Variants in POLR1A observed in about 807,000 individuals in gnomAD.
The protein encoded by POLR1A is RNA polymerase I subunit A.
POLR1A carries 84 observed loss-of-function variants against 205.3 expected under a neutral mutation model. The observed-to-expected ratio is 0.41, with a 90% CI of 0.34 to 0.49. The LOEUF is 0.49. POLR1A is among the 20% of genes least tolerant of loss of function. The pLI is 0.22. For synonymous variants in POLR1A, 799 were observed against 863.7 expected, an observed-to-expected ratio of 0.93 and a Z score of 1.31; for missense variants, 1,645 against 2,204.5, an observed-to-expected ratio of 0.75 and a Z score of 5.08.
rs762274332 is a variant in POLR1A at position 86,052,872 on chromosome 2, G to A, written c.2337C>T (p.Thr779=). 1 of 1,606,030 alleles carries A rather than the reference G, an allele frequency of 6.2e-7. No homozygotes were observed. The highest frequency in any genetic ancestry group is 2.3e-5 in the East Asian group (1 of 43,964). ...AGGCGGTGAAGAGGCGGGCCAGGCAGGTTAGAACCTTGCCGCTGGTCTCGC... is the reference window on the plus strand; with the variant it reads ...AGGCGGTGAAGAGGCGGGCCAGGCAAGTTAGAACCTTGCCGCTGGTCTCGC... ...YGGETSGKVL[T]CLARLFTAYL... Residue 779 remains threonine (T), a synonymous_variant, in exon 16 of 34, where the codon ACC becomes ACT. Coordinates refer to ENST00000263857, the MANE Select transcript of POLR1A (RefSeq NM_015425.6).
chr2:86,038,516 C>G (rs1293713797), intron 27 of POLR1A, among the ~76,000 whole-genome samples, 184 bp downstream of exon 27: 1 of 152,200 alleles, frequency 6.6e-6, no homozygotes, highest in African/African-American at 2.4e-5. Context: ...TACCCACAAG[C>G]CAGACTGTGG....
rs770680979 is a variant in POLR1A at position 86,078,209 on chromosome 2, A to C, written c.1162T>G (p.Tyr388Asp). ...LPGQSLIDKL[Y>D]NIWIRLQSHV... is the part of the protein sequence containing the mutation. ...CTCTGAAGGCGAATCCAAATGTTGT[A>C]AAGTTTGTCTATGAGGGACTGGCCT... is the stretch of plus-strand genomic sequence containing the variant. The change falls in exon 10 of 34, where the codon TAC becomes GAC. Residue 388 changes from tyrosine (Y) to aspartate (D), a missense_variant. Transcript: ENST00000263857. 6.2e-7 allele frequency: 1 copy of C among 1,613,086 alleles called. No individual in the cohort carries two copies. Among genetic ancestry groups the C allele is most frequent in the Non-Finnish European group, 8.5e-7 (1 of 1,179,800 alleles).
At chr2:86,029,261 C>T (rs1390117774) in intron 31 of POLR1A, among the ~76,000 whole-genome samples, 1 of 152,006 alleles carries the variant, frequency 6.6e-6, no homozygotes, top group African/African-American at 2.4e-5. Flanking sequence ...TTCAGGGGAG[C>T]AGGAGACTTT....
intron 1 of POLR1A, among the ~76,000 whole-genome samples, chr2:86,101,420 G>A (rs1229716554): frequency 1.3e-5 from 2 of 152,170 alleles, no homozygotes; most frequent in Non-Finnish European, 2.9e-5. Context: ...CATGGCCAGT[G>A]TCACTCTAAG....
chr2:86,093,636 C>T (rs1228987515), intron 3 of POLR1A, among the ~76,000 whole-genome samples: 1 of 152,060 alleles, frequency 6.6e-6, no homozygotes, highest in Non-Finnish European at 1.5e-5. Context: ...AAGGCCAGCC[C>T]GGCCAAAACA....
At position 86,023,079 on chromosome 2, in the gene POLR1A, T is replaced by C. The variant is rs958090069; in HGVS notation, c.*4344A>G. 2 of 152,216 alleles carry C rather than the reference T, an allele frequency of 1.3e-5. No homozygotes were observed. The highest frequency in any genetic ancestry group is 2.9e-5 in the Non-Finnish European group (2 of 68,038). The allele number at this position is 152,216 out of a possible 1,614,324, so 9.4% of individuals were successfully genotyped here. ...TTTTAAAAAGCTCCCTAAGTGTTTC[T>C]AAGGTCCAAAACTGAGAGCCTCTAA... On this transcript the variant is annotated 3_prime_UTR_variant, in exon 34 of 34. Transcript: ENST00000263857.
chr2:86,088,504 C>A (rs1279974052), intron 6 of POLR1A, 62 bp downstream of exon 6: 2 of 1,042,950 alleles, frequency 1.9e-6, no homozygotes, highest in Non-Finnish European at 3.0e-6. Flanking sequence ...CAGGTATTCC[C>A]AGGGTTTAGG....
At chr2:86,039,281 G>T in intron 26 of POLR1A, 46 bp downstream of exon 26, 2 of 1,605,646 alleles carry the variant, frequency 1.2e-6, no homozygotes, top group South Asian at 1.1e-5. Flanking sequence ...GAGGATATAG[G>T]AACATGCCTT....
intron 27 of POLR1A, among the ~76,000 whole-genome samples, chr2:86,036,265 C>T (rs1672494448): frequency 6.6e-6 from 1 of 152,176 alleles, no homozygotes; most frequent in African/African-American, 2.4e-5. Context: ...AACTTACAGC[C>T]CCTAACTCCT....
At chr2:86,044,450 G>T in intron 21 of POLR1A, 146 bp from the exon 22 acceptor site, 1 of 786,968 alleles carries the variant, frequency 1.3e-6, no homozygotes. Flanking sequence ...TAGATCCAAT[G>T]CCCCGGGGTC....
intron 33 of POLR1A, 119 bp downstream of exon 33, chr2:86,027,766 C>T: frequency 8.4e-7 from 1 of 1,193,458 alleles, no homozygotes; most frequent in Non-Finnish European, 1.2e-6. Context: ...GCCCCCGCTC[C>T]CCTCAGATCC....
intron 8 of POLR1A, among the ~76,000 whole-genome samples, chr2:86,081,183 G>T (rs569719157): frequency 2.0e-5 from 3 of 152,248 alleles, no homozygotes; most frequent in African/African-American, 7.2e-5. Flanking sequence ...ATCACTGGAG[G>T]TCAGGAGTTC....
At chr2:86,100,559 G>T (rs1362622538) in intron 1 of POLR1A, among the ~76,000 whole-genome samples, 1 of 148,678 alleles carries the variant, frequency 6.7e-6, no homozygotes, top group African/African-American at 2.5e-5. Flanking sequence ...TTTTAACAAG[G>T]TCTCACTCCT....
chr2:86,037,293 A>C (rs1672517701), intron 27 of POLR1A, among the ~76,000 whole-genome samples: 1 of 152,238 alleles, frequency 6.6e-6, no homozygotes, highest in East Asian at 1.9e-4. Flanking sequence ...CCAGCCAACA[A>C]CAACTTCACC....
intron 33 of POLR1A, 91 bp downstream of exon 33, chr2:86,027,794 G>T: frequency 7.0e-7 from 1 of 1,429,396 alleles, no homozygotes. Flanking sequence ...CCACTGGTGT[G>T]CAAGGAACCA....
At position 86,021,009 on chromosome 2, in the gene POLR1A, C is replaced by T. The variant is rs949752339; in HGVS notation, c.*6414G>A. On this transcript the variant is annotated 3_prime_UTR_variant, in exon 34 of 34. Transcript: ENST00000263857. ...GAGGGCTTGAGATTCCAAGAAAAGT[C>T]TTATTTCAGAGCTCAGTGTCTTGCC... The T allele has an allele frequency of 2.0e-5, 3 of 152,220 alleles. No homozygotes were observed. The highest frequency in any genetic ancestry group is 7.2e-5 in the African/African-American group (3 of 41,466). The allele number at this position is 152,220 out of a possible 1,614,324, so 9.4% of individuals were successfully genotyped here. A position where few individuals can be genotyped will look rare whatever the true frequency, so the allele number is the denominator to read the frequency against.
intron 29 of POLR1A, 117 bp downstream of exon 29, chr2:86,032,155 G>A (rs1672409771): frequency 1.4e-6 from 1 of 737,032 alleles, no homozygotes; most frequent in South Asian, 1.6e-5. Context: ...CTGCTTCAGG[G>A]TTCCTTGTGG....
intron 1 of POLR1A, among the ~76,000 whole-genome samples, chr2:86,103,603 A>G (rs10779967): frequency 0.88 from 133,475 of 152,230 alleles, 58,900 homozygotes; most frequent in East Asian, 0.98. Flanking sequence ...CACTTATGGC[A>G]GTGATGATAT....
Position 86,038,787 on chromosome 2 carries a change from T to C in POLR1A, c.3947A>G (p.Gln1316Arg), listed in dbSNP as rs1436881478. Reference sequence around the variant, plus strand: ...ATGTGGCAGGAACTGAAACCGCAGCTGGTACACCTGGAATTTGTTCTGTTT... The same window carrying C: ...ATGTGGCAGGAACTGAAACCGCAGCCGGTACACCTGGAATTTGTTCTGTTT... ...EEKQNKFQVY[Q>R]LRFQFLPHAY... The change falls in exon 27 of 34, where the codon CAG becomes CGG. Residue 1316 changes from glutamine (Q) to arginine (R), a missense_variant. Around this residue, in one of 16 missense-constraint regions of POLR1A, gnomAD observed 394 missense variants for 468.5 expected, o/e 0.84. Transcript: ENST00000263857. The C allele has an allele frequency of 1.2e-6, 2 of 1,613,910 alleles. No individual in the cohort carries two copies. Among genetic ancestry groups the C allele is most frequent in the African/African-American group, 2.7e-5 (2 of 74,934 alleles).
Sources: allele counts gnomAD v4.1 joint callset (sites outside exome capture counted in the v4.1 genomes callset), GRCh38; gene constraint gnomAD v4.1.1; regional missense constraint gnomAD v4.1.1; transcripts MANE v1.5; gene names NCBI Gene and HGNC (gene_info 2026-07-23, HGNC 2026-07-21).